Variants in GALNT17 observed in about 807,000 individuals in gnomAD.
The protein encoded by GALNT17 is UDP-GalNAc:polypeptide N-acetylgalactosaminyltransferase-like 3.
GALNT17 carries 29 observed loss-of-function variants against 63.7 expected under a neutral mutation model. The ratio of observed to expected loss-of-function variants is 0.46; its 90% CI spans 0.34 to 0.62. The LOEUF (loss-of-function observed/expected upper bound fraction) is 0.62. Among genes scored for constraint, GALNT17 ranks in the 20% least tolerant of loss-of-function variants. The pLI is 0.01. For synonymous variants in GALNT17, 305 were observed against 318.3 expected, an observed-to-expected ratio of 0.96 and a Z score of 0.45; for missense variants, 603 against 799.6, an observed-to-expected ratio of 0.75 and a Z score of 2.97.
intron 3 of GALNT17, among the ~76,000 whole-genome samples, chr7:71,413,875 G>GCCA (rs750639367): frequency 0.077 from 11,678 of 152,096 alleles, 554 homozygotes; most frequent in Middle Eastern, 0.18. Flanking sequence ...CTGTTGTTTG[G>GCCA]AACAGTGTAT....
At chr7:71,389,958 A>G (rs1024151243) in intron 3 of GALNT17, among the ~76,000 whole-genome samples, 1 of 152,212 alleles carries the variant, frequency 6.6e-6, no homozygotes, top group African/African-American at 2.4e-5. Flanking sequence ...ACAGTTGGAC[A>G]AAGGCGTGGC....
intron 6 of GALNT17, among the ~76,000 whole-genome samples, chr7:71,643,499 C>T (rs1487807611): frequency 2.6e-5 from 4 of 152,198 alleles, no homozygotes; most frequent in East Asian, 1.9e-4. Context: ...CCACACACCC[C>T]AGCATTTTTA....
At chr7:71,186,373 A>G (rs944225279) in intron 1 of GALNT17, among the ~76,000 whole-genome samples, 3 of 152,176 alleles carry the variant, frequency 2.0e-5, no homozygotes, top group Non-Finnish European at 4.4e-5. Context: ...AACTTAGTGT[A>G]CAAGAGAGTG....
intron 5 of GALNT17, among the ~76,000 whole-genome samples, chr7:71,455,052 C>T (rs567630513): frequency 5.3e-5 from 8 of 151,896 alleles, no homozygotes; most frequent in Admixed American, 5.2e-4. Context: ...TCTATAGTGG[C>T]AGCTACTCAG....
At chr7:71,641,501 G>A (rs1350713089) in intron 6 of GALNT17, among the ~76,000 whole-genome samples, 2 of 152,108 alleles carry the variant, frequency 1.3e-5, no homozygotes, top group African/African-American at 4.8e-5. Context: ...TTCTGTGTCT[G>A]GTAAGGGCCC....
intron 9 of GALNT17, among the ~76,000 whole-genome samples, chr7:71,693,408 C>T (rs903478815): frequency 1.9e-4 from 28 of 150,796 alleles, no homozygotes; most frequent in Admixed American, 1.5e-3. Context: ...TTTGCATGTC[C>T]CTTCAATGAT....
At chr7:71,190,060 C>G (rs562865927) in intron 1 of GALNT17, among the ~76,000 whole-genome samples, 16 of 152,236 alleles carry the variant, frequency 1.1e-4, no homozygotes, top group East Asian at 5.8e-4. Flanking sequence ...ATCTGCCCAC[C>G]TTGGCCTCCC....
chr7:71,260,265 A>C (rs1260340312), intron 1 of GALNT17, among the ~76,000 whole-genome samples: 5 of 152,114 alleles, frequency 3.3e-5, no homozygotes, highest in African/African-American at 1.2e-4. Context: ...GACCCCACCA[A>C]ATGATTTGCA....
intron 1 of GALNT17, among the ~76,000 whole-genome samples, chr7:71,186,995 T>G (rs1182674203): frequency 6.6e-6 from 1 of 152,218 alleles, no homozygotes; most frequent in Non-Finnish European, 1.5e-5. Context: ...TTTCCTGTTT[T>G]CTCTGGATTT....
At chr7:71,528,743 A>G (rs1001715177) in intron 5 of GALNT17, among the ~76,000 whole-genome samples, 2 of 152,220 alleles carry the variant, frequency 1.3e-5, no homozygotes, top group African/African-American at 4.8e-5. Context: ...TTATCTATAT[A>G]ACCAAAAACC....
rs73361762 is a variant in GALNT17, at chr7:71,165,820, G to A, written c.238+32780G>A. 3.4e-3 allele frequency among the ~76,000 whole-genome samples: 517 copies of A among 152,296 alleles called. 1 individual carries two copies. Among genetic ancestry groups the A allele is most frequent in the African/African-American group, 0.012 (485 of 41,568 alleles). ...ATTGAACCGAGACTTTAGGAGTTCA[G>A]GTCAAGCTAGTTCCTTAGGTTTGAA... On this transcript the variant is annotated intron_variant, in intron 1 of 10. Coordinates refer to ENST00000333538, the MANE Select transcript of GALNT17 (RefSeq NM_022479.3).
At chr7:71,247,692 G>C (rs1246054713) in intron 1 of GALNT17, among the ~76,000 whole-genome samples, 1 of 151,872 alleles carries the variant, frequency 6.6e-6, no homozygotes, top group African/African-American at 2.4e-5. Flanking sequence ...CCTGACCTCA[G>C]GTGATCCACC....
intron 3 of GALNT17, among the ~76,000 whole-genome samples, chr7:71,393,527 G>A (rs1264585219): frequency 2.6e-5 from 4 of 151,746 alleles, no homozygotes; most frequent in African/African-American, 4.8e-5. Flanking sequence ...TTTTTCCCCC[G>A]AAGTGTAAAG....
chr7:71,352,232 G>T (rs1320800500), intron 2 of GALNT17, among the ~76,000 whole-genome samples: 2 of 152,218 alleles, frequency 1.3e-5, no homozygotes, highest in Non-Finnish European at 2.9e-5. Flanking sequence ...CCGCTGCCAT[G>T]TAAGCAGTGC....
At chr7:71,567,166 C>T (rs1033445325) in intron 5 of GALNT17, among the ~76,000 whole-genome samples, 1 of 152,134 alleles carries the variant, frequency 6.6e-6, no homozygotes, top group South Asian at 2.1e-4. Context: ...TCATTTGATG[C>T]TTTTCCAGAC....
intron 1 of GALNT17, among the ~76,000 whole-genome samples, chr7:71,149,951 C>G (rs899994122): frequency 2.0e-5 from 3 of 152,142 alleles, no homozygotes; most frequent in Non-Finnish European, 4.4e-5. Context: ...GCTTCACCTT[C>G]CAGCTGAGGT....
At chr7:71,157,383 C>T (rs112887561) in intron 1 of GALNT17, among the ~76,000 whole-genome samples, 12 of 151,990 alleles carry the variant, frequency 7.9e-5, no homozygotes, top group East Asian at 3.9e-4. Flanking sequence ...ATTGGCTGGG[C>T]GCGGTGGCTC....
Position 71,596,768 on chromosome 7 carries a change from G to A in GALNT17, c.1080+25366G>A, listed in dbSNP as rs1584078743. ...CCTTAATCACAGGCACAGAGTCGGG[G>A]ACCACTTGTGGGTGGTGATCAGGGC... On this transcript the variant is annotated intron_variant, in intron 6 of 10. Transcript: ENST00000333538. Among the ~76,000 whole-genome samples, 3 of 152,134 alleles carry A rather than the reference G, an allele frequency of 2.0e-5. No individual in the cohort carries two copies. In the East Asian group the frequency reaches 5.8e-4, roughly 29 times the overall value.
At position 71,647,280 on chromosome 7, in the gene GALNT17, G is replaced by A. The variant is rs188398750; in HGVS notation, c.1081-18131G>A. 2.5e-3 allele frequency among the ~76,000 whole-genome samples: 375 copies of A among 148,326 alleles called. 4 individuals carry two copies. The highest frequency in any genetic ancestry group is 9.5e-3 in the African/African-American group (366 of 38,566). On this transcript the variant is annotated intron_variant, in intron 6 of 10. Coordinates refer to ENST00000333538, the MANE Select transcript of GALNT17 (RefSeq NM_022479.3). ...GATGGGATTTCACCATGTTGGCCAG[G>A]CTGGTCTCAAACTCCTGACTTCAAG...
Sources: allele counts gnomAD v4.1 joint callset (sites outside exome capture counted in the v4.1 genomes callset), GRCh38; gene constraint gnomAD v4.1.1; transcripts MANE v1.5; gene names NCBI Gene and HGNC (gene_info 2026-07-23, HGNC 2026-07-21).